WDR76: variants seen among roughly 807,000 people sequenced by gnomAD.
The protein encoded by WDR76 is WD repeat domain 76.
WDR76 carries 52 observed loss-of-function variants against 70.2 expected under a neutral mutation model. The ratio of observed to expected loss-of-function variants is 0.74; its 90% CI spans 0.59 to 0.93. The LOEUF is 0.93. Among genes scored for constraint, WDR76 ranks in the 40% least tolerant of loss-of-function variants. The pLI, the probability that WDR76 is intolerant of heterozygous loss-of-function variation, is 0.00. For missense variants in WDR76, 756 were observed against 760.2 expected, an observed-to-expected ratio of 0.99 and a Z score of 0.07; for synonymous variants, 292 against 271.1, an observed-to-expected ratio of 1.08 and a Z score of -0.76.
intron 8 of WDR76, 92 bp from the exon 9 acceptor site, chr15:43,850,995 G>C: frequency 6.8e-7 from 1 of 1,461,616 alleles, no homozygotes; most frequent in South Asian, 1.3e-5. Context: ...ATATAATCCA[G>C]TGTAAATTCT....
chr15:43,842,898 G>A (rs1356576279), intron 7 of WDR76, among the ~76,000 whole-genome samples: 6 of 151,186 alleles, frequency 4.0e-5, no homozygotes, highest in African/African-American at 1.5e-4. Context: ...TCAATAACCA[G>A]AACAGTGCCT....
At chr15:43,838,040 T>C (rs1342964022) in intron 4 of WDR76, among the ~76,000 whole-genome samples, 1 of 151,974 alleles carries the variant, frequency 6.6e-6, no homozygotes, top group Non-Finnish European at 1.5e-5. Flanking sequence ...CACGCCCGGC[T>C]AATTTTTTGG....
intron 9 of WDR76, among the ~76,000 whole-genome samples, chr15:43,854,585 A>G (rs1306242129): frequency 1.3e-5 from 2 of 152,180 alleles, no homozygotes; most frequent in Admixed American, 1.3e-4. Context: ...TACATATGGT[A>G]CAATTTACCA....
At chr15:43,845,290 A>G (rs1291470394) in intron 8 of WDR76, among the ~76,000 whole-genome samples, 2 of 150,160 alleles carry the variant, frequency 1.3e-5, no homozygotes, top group Non-Finnish European at 3.0e-5. Flanking sequence ...ATGGTCTGCT[A>G]TGGTCTGAAT....
rs763198361 is a variant in WDR76 at position 43,857,151 on chromosome 15, C to T, written c.1397C>T (p.Thr466Ile). 1.9e-6 allele frequency: 3 copies of T among 1,612,880 alleles called. No individual in the cohort carries two copies. Among genetic ancestry groups the T allele is most frequent in the South Asian group, 1.1e-5 (1 of 90,832 alleles). Residue 466 changes from threonine (T) to isoleucine (I), a missense_variant, in exon 10 of 13, where the codon ACT becomes ATT. By Grantham distance (89) the Thr-to-Ile change is moderately conservative. Coordinates refer to ENST00000263795, the MANE Select transcript of WDR76 (RefSeq NM_024908.4). ...VHPVHRQYFI[T>I]AGLRDTHIYD... ...CCAGTGCATAGACAGTATTTTATCA[C>T]TGCCGGATTGAGGTATGGTCTTTAT...
intron 5 of WDR76, among the ~76,000 whole-genome samples, chr15:43,841,213 T>G (rs1329635019): frequency 1.4e-5 from 2 of 148,074 alleles, no homozygotes; most frequent in Non-Finnish European, 1.5e-5. Context: ...TTTTTTTTTT[T>G]TTTTTTTGAG....
chr15:43,846,582 CTG>C (rs1396363056), intron 8 of WDR76, among the ~76,000 whole-genome samples: 2 of 134,554 alleles, frequency 1.5e-5, no homozygotes, highest in African/African-American at 5.0e-5. Flanking sequence ...CCACACCCAT[CTG>C]AGACTACTTT....
At chr15:43,840,726 C>A (rs1293399191) in intron 5 of WDR76, among the ~76,000 whole-genome samples, 1 of 151,968 alleles carries the variant, frequency 6.6e-6, no homozygotes, top group African/African-American at 2.4e-5. Flanking sequence ...TGCCTGTAAT[C>A]CCAGCACTTT....
intron 9 of WDR76, among the ~76,000 whole-genome samples, chr15:43,851,904 T>TA (rs965936285): frequency 5.9e-5 from 9 of 151,820 alleles, no homozygotes; most frequent in South Asian, 2.1e-4. Flanking sequence ...ACCTTGTCTC[T>TA]AAAAAAAATT....
At chr15:43,835,872 G>A (rs1289037158) in intron 3 of WDR76, among the ~76,000 whole-genome samples, 1 of 151,856 alleles carries the variant, frequency 6.6e-6, no homozygotes, top group Admixed American at 6.6e-5. Context: ...GGTAAGGCTG[G>A]TCTCGAACTG....
intron 2 of WDR76, among the ~76,000 whole-genome samples, chr15:43,833,387 C>T (rs1012415501): frequency 6.8e-5 from 10 of 147,248 alleles, no homozygotes; most frequent in South Asian, 2.2e-4. Flanking sequence ...GGCGCCATCT[C>T]GGCTCACTGC....
chr15:43,858,035 C>G (rs1429757242), intron 10 of WDR76, among the ~76,000 whole-genome samples: 5 of 143,296 alleles, frequency 3.5e-5, no homozygotes, highest in African/African-American at 1.0e-4. Context: ...CAGGTTCAAG[C>G]GATTCTTCTG....
At chr15:43,858,001 C>T (rs533103198) in intron 10 of WDR76, among the ~76,000 whole-genome samples, 8 of 130,386 alleles carry the variant, frequency 6.1e-5, no homozygotes, top group Non-Finnish European at 1.3e-4. Flanking sequence ...ATCTTACTCT[C>T]AGCTCACTGC....
chr15:43,841,448 C>T (rs1184508279), intron 5 of WDR76, among the ~76,000 whole-genome samples: 2 of 152,082 alleles, frequency 1.3e-5, no homozygotes, highest in Non-Finnish European at 1.5e-5. Context: ...CCCGCCTCGG[C>T]CTCCCAAAAT....
intron 8 of WDR76, among the ~76,000 whole-genome samples, chr15:43,845,024 T>C (rs1488249932): frequency 1.5e-5 from 2 of 134,226 alleles, no homozygotes; most frequent in African/African-American, 5.2e-5. Context: ...TGCAGTGGTG[T>C]GATCTCGGCT....
rs374594304 is a variant in WDR76 at position 43,855,848 on chromosome 15, CA to C, written c.1192-1084del. On this transcript the variant is annotated intron_variant, in intron 9 of 12. Transcript: ENST00000263795. Reference sequence around the variant, plus strand: ...TGGGCAACAGAGTGAGACTCTGTCTCAAAAAAAAAAAAAACACGCTCATGAT... The same window carrying C: ...TGGGCAACAGAGTGAGACTCTGTCTCAAAAAAAAAAAAACACGCTCATGAT... Among the ~76,000 whole-genome samples, 886 of 110,932 alleles carry C rather than the reference CA, an allele frequency of 8.0e-3. 7 individuals are homozygous for C. The highest frequency in any genetic ancestry group is 0.023 in the African/African-American group (750 of 33,298). 72.8% of individuals were successfully genotyped at this position (110,932 alleles called of 152,430 possible).
intron 3 of WDR76, among the ~76,000 whole-genome samples, chr15:43,835,916 C>G (rs980104493): frequency 6.6e-6 from 1 of 151,202 alleles, no homozygotes; most frequent in Non-Finnish European, 1.5e-5. Flanking sequence ...CTTGACCTCC[C>G]AAAGTGCTGG....
At chr15:43,848,972 GATT>G (rs1368034912) in intron 8 of WDR76, among the ~76,000 whole-genome samples, 2 of 137,990 alleles carry the variant, frequency 1.4e-5, no homozygotes, top group East Asian at 4.2e-4. Context: ...CTGCATTTCA[GATT>G]ACCTGCTGTC....
chr15:43,834,169 C>G (rs899305806), intron 2 of WDR76, among the ~76,000 whole-genome samples: 1 of 151,958 alleles, frequency 6.6e-6, no homozygotes, highest in Non-Finnish European at 1.5e-5. Flanking sequence ...CCTGAATATA[C>G]TGCCTTATAT....
Sources: allele counts gnomAD v4.1 joint callset (sites outside exome capture counted in the v4.1 genomes callset), GRCh38; gene constraint gnomAD v4.1.1; transcripts MANE v1.5; gene names NCBI Gene and HGNC (gene_info 2026-07-23, HGNC 2026-07-21).